Variants in ENTPD1 observed in about 807,000 individuals in gnomAD.
ENTPD1 encodes ATP diphosphohydrolase.
Under a neutral mutation model 57.0 loss-of-function variants are expected in ENTPD1, and 33 were observed. The ratio of observed to expected loss-of-function variants is 0.58; its 90% CI spans 0.44 to 0.77. The LOEUF is 0.77. ENTPD1 is among the 30% of genes least tolerant of loss of function. The pLI is 0.00. For synonymous variants in ENTPD1, 202 were observed against 218.8 expected (o/e 0.92, Z 0.68); for missense variants, 501 against 603.4 (o/e 0.83, Z 1.78).
At chr10:95,721,083 C>T (rs1027122106) in intron 1 of ENTPD1, among the ~76,000 whole-genome samples, 29 of 152,100 alleles carry the variant, frequency 1.9e-4, no homozygotes, top group African/African-American at 6.8e-4. Flanking sequence ...TAAACTTATC[C>T]TTTAAGACTA....
At chr10:95,801,754 A>G (rs1020007212) in intron 1 of ENTPD1, among the ~76,000 whole-genome samples, 1 of 152,144 alleles carries the variant, frequency 6.6e-6, no homozygotes, top group East Asian at 1.9e-4. Context: ...GTTTGAGGTC[A>G]GATAGCGTGA....
At chr10:95,801,996 T>C (rs2098251691) in intron 1 of ENTPD1, among the ~76,000 whole-genome samples, 1 of 152,226 alleles carries the variant, frequency 6.6e-6, no homozygotes. Flanking sequence ...GTGTCATCTC[T>C]GACTTTTTAG....
upstream of ENTPD1, chr10:95,755,907 A>G (rs2098021301): frequency 6.6e-7 from 1 of 1,514,748 alleles, no homozygotes; most frequent in African/African-American, 1.4e-5. Context: ...GGGAGGGAGT[A>G]AGGGAGAGAG....
chr10:95,718,948 G>T (rs954940807), intron 1 of ENTPD1, among the ~76,000 whole-genome samples: 1 of 152,222 alleles, frequency 6.6e-6, no homozygotes, highest in Non-Finnish European at 1.5e-5. Flanking sequence ...AGTTGCACAA[G>T]TGTGCAGTTG....
chr10:95,810,090 C>A (rs1425029889), intron 1 of ENTPD1, among the ~76,000 whole-genome samples: 1 of 147,334 alleles, frequency 6.8e-6, no homozygotes, highest in Non-Finnish European at 1.5e-5. Flanking sequence ...AGGCACTCCT[C>A]ACCTCCCGGA....
intron 1 of ENTPD1, among the ~76,000 whole-genome samples, chr10:95,722,474 T>G (rs1471916985): frequency 6.6e-6 from 1 of 152,026 alleles, no homozygotes; most frequent in Non-Finnish European, 1.5e-5. Context: ...CCATAAAAAA[T>G]GATGAGTTCA....
At chr10:95,770,637 T>A (rs1209139834) in intron 1 of ENTPD1, among the ~76,000 whole-genome samples, 3 of 152,188 alleles carry the variant, frequency 2.0e-5, no homozygotes, top group Non-Finnish European at 1.5e-5. Context: ...AAGCTTGCTC[T>A]AAGATTCACA....
At chr10:95,786,604 T>C (rs1292980755) in intron 1 of ENTPD1, among the ~76,000 whole-genome samples, 1 of 152,200 alleles carries the variant, frequency 6.6e-6, no homozygotes, top group Non-Finnish European at 1.5e-5. Context: ...TCCTAGATTC[T>C]GGCTCCCTGT....
intron 1 of ENTPD1, among the ~76,000 whole-genome samples, chr10:95,723,296 C>T (rs1457523504): frequency 2.6e-5 from 4 of 152,104 alleles, no homozygotes; most frequent in African/African-American, 9.7e-5. Flanking sequence ...CCCTCTTTGT[C>T]TCTCTTTCTT....
At chr10:95,813,193 G>A (rs955046181) in intron 1 of ENTPD1, among the ~76,000 whole-genome samples, 2 of 152,164 alleles carry the variant, frequency 1.3e-5, no homozygotes, top group Non-Finnish European at 2.9e-5. Context: ...CCAGTCAGAA[G>A]CCAGAAACAT....
intron 1 of ENTPD1, among the ~76,000 whole-genome samples, chr10:95,758,406 A>G (rs951421607): frequency 3.9e-5 from 6 of 152,222 alleles, no homozygotes; most frequent in African/African-American, 1.4e-4. Flanking sequence ...GGCCTGATAT[A>G]TAGTATTGCT....
At chr10:95,772,696 A>G (rs1475761719) in intron 1 of ENTPD1, among the ~76,000 whole-genome samples, 1 of 152,186 alleles carries the variant, frequency 6.6e-6, no homozygotes, top group East Asian at 1.9e-4. Flanking sequence ...AACTCCTGTT[A>G]ATATTGGTAT....
intron 2 of ENTPD1, among the ~76,000 whole-genome samples, chr10:95,831,936 A>G (rs556707965): frequency 1.2e-4 from 18 of 152,314 alleles, no homozygotes; most frequent in African/African-American, 3.8e-4. Context: ...TATCAACTCT[A>G]TTGTAGGCCC....
chr10:95,712,347 A>T (rs576705994), intron 1 of ENTPD1, among the ~76,000 whole-genome samples: 5 of 152,112 alleles, frequency 3.3e-5, no homozygotes, highest in Non-Finnish European at 7.4e-5. Context: ...CTGTGTCTAT[A>T]AACTTTGCTG....
intron 1 of ENTPD1, among the ~76,000 whole-genome samples, chr10:95,742,324 T>A (rs1440322979): frequency 1.3e-5 from 2 of 152,100 alleles, no homozygotes; most frequent in African/African-American, 4.8e-5. Context: ...TGTTCCCAAA[T>A]AAGGGTAACC....
intron 4 of ENTPD1, among the ~76,000 whole-genome samples, chr10:95,844,224 T>C (rs574994333): frequency 5.9e-5 from 9 of 152,300 alleles, no homozygotes; most frequent in African/African-American, 2.2e-4. Context: ...AAAAGTGGTA[T>C]TTTAAGGAAA....
Position 95,870,907 on chromosome 10 carries a change from GCAGCTCTA to G in ENTPD1, c.*4526_*4533del, listed in dbSNP as rs756804810. ...GTTTGTGAGTCTGCAAGCCAGCTGG[GCAGCTCTA>G]CTTCAGGTGGTAAGGGTGGATCAGA... On this transcript the variant is annotated 3_prime_UTR_variant, in exon 10 of 10. Coordinates refer to ENST00000371205, the MANE Select transcript of ENTPD1 (RefSeq NM_001776.6). 1.5e-5 allele frequency: 15 copies of G among 985,302 alleles called. No homozygotes were observed. The highest frequency in any genetic ancestry group is 1.7e-5 in the African/African-American group (1 of 57,238). The allele number at this position is 985,302 out of a possible 1,614,324, so 61.0% of individuals were successfully genotyped here.
chr10:95,775,646 C>T (rs1262040892), intron 1 of ENTPD1, among the ~76,000 whole-genome samples: 1 of 152,126 alleles, frequency 6.6e-6, no homozygotes, highest in Non-Finnish European at 1.5e-5. Flanking sequence ...CTGTAGATGT[C>T]TATTAGGTTT....
chr10:95,778,482 T>A (rs1481412632), intron 1 of ENTPD1, among the ~76,000 whole-genome samples: 1 of 99,864 alleles, frequency 1.0e-5, no homozygotes, highest in African/African-American at 3.7e-5. Context: ...ACCTAAAAGA[T>A]TTTTTTCTTA....
Sources: allele counts gnomAD v4.1 joint callset (sites outside exome capture counted in the v4.1 genomes callset), GRCh38; gene constraint gnomAD v4.1.1; transcripts MANE v1.5; gene names NCBI Gene and HGNC (gene_info 2026-07-23, HGNC 2026-07-21).